The following BCAS3 variants were observed in gnomAD, a reference collection of about 807,000 sequenced individuals.
BCAS3 encodes BCAS3 microtubule associated cell migration factor.
Under a neutral mutation model 116.1 loss-of-function variants are expected in BCAS3, and 53 were observed. The ratio of observed to expected loss-of-function variants is 0.46; its 90% CI spans 0.37 to 0.57. The LOEUF is 0.57. Ranked by LOEUF, BCAS3 falls within the 20% of genes least tolerant of loss-of-function variation. The pLI is 0.00. For synonymous variants in BCAS3, 391 were observed against 408.2 expected (o/e 0.96, Z 0.51); for missense variants, 917 against 1,165.4 (o/e 0.79, Z 3.10).
intron 6 of BCAS3, among the ~76,000 whole-genome samples, chr17:60,778,359 T>G (rs1239193175): frequency 6.6e-6 from 1 of 152,178 alleles, no homozygotes; most frequent in East Asian, 1.9e-4. Context: ...TTATAAGAGA[T>G]TATTAAAATA....
rs34316965 is a variant in BCAS3 at position 61,179,273 on chromosome 17, C to CTT, written c.2425+94725_2425+94726dup. Among the ~76,000 whole-genome samples the CTT allele has an allele frequency of 3.4e-3, 448 of 129,890 alleles. 7 individuals are homozygous for CTT. The highest frequency in any genetic ancestry group is 6.3e-3 in the South Asian group (25 of 3,982). The allele number at this position is 129,890 out of a possible 152,430, so 85.2% of individuals were successfully genotyped here. ...AGACTCCTATTGTCAAAGAAAAAGC[C>CTT]TTTTTTTTTTTTTTTTTAATCTACA... On this transcript the variant is annotated intron_variant, in intron 22 of 23. Coordinates refer to ENST00000407086, the MANE Select transcript of BCAS3 (RefSeq NM_017679.5).
chr17:60,812,906 A>T (rs577032618), intron 7 of BCAS3, among the ~76,000 whole-genome samples: 7 of 151,984 alleles, frequency 4.6e-5, no homozygotes, highest in African/African-American at 1.4e-4. Flanking sequence ...TGGGCTAATT[A>T]AAAAAAATTT....
At chr17:60,942,174 C>T (rs1269858135) in intron 13 of BCAS3, among the ~76,000 whole-genome samples, 1 of 152,164 alleles carries the variant, frequency 6.6e-6, no homozygotes, top group East Asian at 1.9e-4. Flanking sequence ...ACCTGTAACA[C>T]CAGCACTTTG....
rs2053522604 is a variant in BCAS3, at chr17:61,302,368, C to A, written c.2426-65959C>A. 6.6e-6 allele frequency among the ~76,000 whole-genome samples: 1 copy of A among 152,160 alleles called. No individual in the cohort carries two copies. The highest frequency in any genetic ancestry group is 2.4e-5 in the African/African-American group (1 of 41,438). On this transcript the variant is annotated intron_variant, in intron 22 of 23. Coordinates refer to ENST00000407086, the MANE Select transcript of BCAS3 (RefSeq NM_017679.5). This position sits in a 1 kb window ranked among gnomAD's most constrained non-coding sequence, Gnocchi z 4.4. ...TGTCCACTTAATGTGAAAATTGGTA[C>A]CATCTAATAGAATCTTCAACATGCT...
chr17:61,322,824 G>GAC (rs2055369142), intron 22 of BCAS3, among the ~76,000 whole-genome samples: 91 of 117,970 alleles, frequency 7.7e-4, no homozygotes, highest in African/African-American at 1.8e-3. Context: ...GAGAGAGAGA[G>GAC]AGAGACAGAG....
At position 61,198,145 on chromosome 17, in the gene BCAS3, CTT is replaced by C. The variant is rs1185530206; in HGVS notation, c.2425+113593_2425+113594del. The stretch of plus-strand genomic sequence containing the variant: ...AGTGCAAGATATGTTTTTTTTTTTT[CTT>C]TTTTTTTTTTTGAGACGGAGTCTCA... On this transcript the variant is annotated intron_variant, in intron 22 of 23. Transcript: ENST00000407086. The surrounding 1 kb of genome is among the most constrained non-coding windows in gnomAD (Gnocchi z 5.0). 3.4e-5 allele frequency among the ~76,000 whole-genome samples: 4 copies of C among 118,420 alleles called. No individual in the cohort carries two copies. Among genetic ancestry groups the C allele is most frequent in the African/African-American group, 6.1e-5 (2 of 32,732 alleles). The allele number at this position is 118,420 out of a possible 152,430, so 77.7% of individuals were successfully genotyped here.
intron 15 of BCAS3, among the ~76,000 whole-genome samples, chr17:61,002,211 A>C (rs906220537): frequency 7.9e-5 from 12 of 152,102 alleles, no homozygotes; most frequent in Non-Finnish European, 1.5e-4. Context: ...AATAAACTCT[A>C]TGTAGATATT....
In BCAS3 at chr17:61,365,821, T is replaced by C. The variant is rs997555041; in HGVS notation, c.2426-2506T>C. Among the ~76,000 whole-genome samples, 2 of 151,988 alleles carry C rather than the reference T, an allele frequency of 1.3e-5. No homozygotes were observed. Among genetic ancestry groups the C allele is most frequent in the African/African-American group, 2.4e-5 (1 of 41,384 alleles). ...TCATTCTCTTCCCAATTTTCCAGGC[T>C]CTGAAACATCTCTGTCCATAAGAAA... On this transcript the variant is annotated intron_variant, in intron 22 of 23. Transcript: ENST00000407086. This position sits in a 1 kb window ranked among gnomAD's most constrained non-coding sequence, Gnocchi z 4.6.
intron 5 of BCAS3, among the ~76,000 whole-genome samples, chr17:60,744,802 T>C (rs1420990924): frequency 6.6e-6 from 1 of 151,244 alleles, no homozygotes; most frequent in Non-Finnish European, 1.5e-5. Context: ...TCAGTCCAAA[T>C]GTTTTTTTCC....
intron 22 of BCAS3, among the ~76,000 whole-genome samples, chr17:61,320,662 C>T (rs2055139362): frequency 6.7e-6 from 1 of 149,130 alleles, no homozygotes; most frequent in Non-Finnish European, 1.5e-5. Context: ...GGCGACAGAG[C>T]GAGACTCTGT....
At chr17:61,242,068 G>T (rs1482864758) in intron 22 of BCAS3, among the ~76,000 whole-genome samples, 3 of 152,052 alleles carry the variant, frequency 2.0e-5, no homozygotes, top group African/African-American at 7.2e-5. Flanking sequence ...CCTGAGGTTG[G>T]GAATTCGAAA....
At chr17:60,710,431 ATT>A (rs529286931) in intron 5 of BCAS3, among the ~76,000 whole-genome samples, 33 of 135,338 alleles carry the variant, frequency 2.4e-4, no homozygotes, top group Admixed American at 6.7e-4. Context: ...ATTCTTTAAC[ATT>A]TTTTTTTTTT....
In BCAS3 at chr17:61,261,007, G is replaced by T. The variant is rs1231910365; in HGVS notation, c.2426-107320G>T. ...TAATTGACTCTAGGAGGCAGACATG[G>T]TGAAAAGGGTGTGGGAAGAAATTAT... On this transcript the variant is annotated intron_variant, in intron 22 of 23. Transcript: ENST00000407086. The surrounding 1 kb of genome is among the most constrained non-coding windows in gnomAD (Gnocchi z 4.4). Among the ~76,000 whole-genome samples the T allele has an allele frequency of 6.6e-6, 1 of 152,210 alleles. No individual in the cohort carries two copies. The highest frequency in any genetic ancestry group is 1.9e-4 in the East Asian group (1 of 5,196).
At chr17:61,350,706 C>T (rs894273975) in intron 22 of BCAS3, among the ~76,000 whole-genome samples, 4 of 150,706 alleles carry the variant, frequency 2.7e-5, no homozygotes, top group African/African-American at 9.8e-5. Context: ...AATCATGGCT[C>T]ACTGCAGCCT....
At chr17:60,806,133 C>T (rs930428700) in intron 6 of BCAS3, among the ~76,000 whole-genome samples, 5 of 152,106 alleles carry the variant, frequency 3.3e-5, no homozygotes, top group African/African-American at 1.2e-4. Flanking sequence ...GCCTCGGCCT[C>T]CCAAAGTGCT....
intron 14 of BCAS3, among the ~76,000 whole-genome samples, chr17:60,989,625 G>A (rs2063397827): frequency 6.6e-6 from 1 of 152,136 alleles, no homozygotes; most frequent in African/African-American, 2.4e-5. Flanking sequence ...GAAAAAGCTT[G>A]CAGATACATG....
At chr17:60,802,353 CACATACAT>C (rs200400419) in intron 6 of BCAS3, among the ~76,000 whole-genome samples, 2 of 141,310 alleles carry the variant, frequency 1.4e-5, no homozygotes, top group Non-Finnish European at 3.0e-5. Flanking sequence ...CAAATACACA[CACATACAT>C]ACATACATAC....
At position 61,222,177 on chromosome 17, in the gene BCAS3, A is replaced by G. The variant is rs1449891890; in HGVS notation, c.2425+137613A>G. Among the ~76,000 whole-genome samples the G allele has an allele frequency of 6.6e-6, 1 of 152,240 alleles. No homozygotes were observed. Among genetic ancestry groups the G allele is most frequent in the Non-Finnish European group, 1.5e-5 (1 of 68,044 alleles). ...ATATAGTGGCAGAATAAATAAGCCA[A>G]GATATGAAATAATAGTGGGGAACTG... On this transcript the variant is annotated intron_variant, in intron 22 of 23. Transcript: ENST00000407086. The surrounding 1 kb of genome is among the most constrained non-coding windows in gnomAD (Gnocchi z 6.1).
In BCAS3 at chr17:61,083,032, A is replaced by C. The variant is rs2072765592; in HGVS notation, c.2328-1435A>C. Among the ~76,000 whole-genome samples the C allele has an allele frequency of 6.6e-6, 1 of 152,176 alleles. No individual in the cohort carries two copies. Among genetic ancestry groups the C allele is most frequent in the South Asian group, 2.1e-4 (1 of 4,834 alleles). ...CATCAATAGCCTTTATGAACTCTAT[A>C]CTTCAGCCAAATCATGCACTTCAAG... On this transcript the variant is annotated intron_variant, in intron 21 of 23. Transcript: ENST00000407086. This position sits in a 1 kb window ranked among gnomAD's most constrained non-coding sequence, Gnocchi z 4.9.
Sources: allele counts gnomAD v4.1 joint callset (sites outside exome capture counted in the v4.1 genomes callset), GRCh38; gene constraint gnomAD v4.1.1; non-coding constraint Gnocchi (gnomAD v3.1); transcripts MANE v1.5; gene names NCBI Gene and HGNC (gene_info 2026-07-23, HGNC 2026-07-21).